The following WDFY3 variants were observed in gnomAD, a reference collection of about 807,000 sequenced individuals.
WDFY3 encodes WD repeat and FYVE domain containing 3.
WDFY3 carries 66 observed loss-of-function variants against 409.6 expected under a neutral mutation model. The observed-to-expected ratio is 0.16, with a 90% CI of 0.13 to 0.20. WDFY3 has a LOEUF of 0.20. WDFY3 is among the 10% of genes least tolerant of loss of function. The pLI, the probability that WDFY3 is intolerant of heterozygous loss-of-function variation, is 1.00. For synonymous variants in WDFY3, 1,521 were observed against 1,537.1 expected (o/e 0.99, Z 0.25); for missense variants, 3,031 against 4,298.1 (o/e 0.71, Z 8.24).
At position 84,787,535 on chromosome 4, in the gene WDFY3, A is replaced by G. The variant is rs1281682746; in HGVS notation, c.3848T>C (p.Ile1283Thr). ...EVLPSSNVTT[I>T]YELGPNYVGS... ...AACATAATTTGGTCCAAGTTCATAAATGGTAGTAACATTTGAAGAAGGTAA... is the reference window on the plus strand; with the variant it reads ...AACATAATTTGGTCCAAGTTCATAAGTGGTAGTAACATTTGAAGAAGGTAA... Residue 1283 changes from isoleucine (I) to threonine (T), a missense_variant, in exon 23 of 68, where the codon ATT becomes ACT. Ile to Thr is a moderately conservative substitution (Grantham distance 89). Coordinates refer to ENST00000295888, the MANE Select transcript of WDFY3 (RefSeq NM_014991.6). The G allele has an allele frequency of 6.2e-7, 1 of 1,614,108 alleles. No homozygotes were observed. Among genetic ancestry groups the G allele is most frequent in the East Asian group, 2.2e-5 (1 of 44,896 alleles).
At chr4:84,713,364 T>G in intron 50 of WDFY3, 125 bp from the exon 51 acceptor site, 1 of 761,842 alleles carries the variant, frequency 1.3e-6, no homozygotes, top group Non-Finnish European at 2.2e-6. Context: ...ACCCACTAAA[T>G]GGCAGGCAAA....
intron 2 of WDFY3, among the ~76,000 whole-genome samples, chr4:84,906,112 C>T (rs563327643): frequency 1.3e-5 from 2 of 152,088 alleles, no homozygotes; most frequent in Non-Finnish European, 2.9e-5. Context: ...ATATTCACCA[C>T]CTAGTAAAAT....
intron 30 of WDFY3, among the ~76,000 whole-genome samples, chr4:84,767,112 AT>A (rs974265092): frequency 1.2e-3 from 178 of 144,818 alleles, no homozygotes; most frequent in Middle Eastern, 3.6e-3. Flanking sequence ...CAATCAGGCC[AT>A]TTTTTTTTTT....
chr4:84,777,946 T>C (rs1745833721), intron 27 of WDFY3, among the ~76,000 whole-genome samples: 1 of 152,044 alleles, frequency 6.6e-6, no homozygotes, highest in African/African-American at 2.4e-5. Flanking sequence ...GTTACAGTAA[T>C]AAGCCAGTAG....
At chr4:84,928,205 T>C (rs1770263440) in intron 2 of WDFY3, among the ~76,000 whole-genome samples, 1 of 152,162 alleles carries the variant, frequency 6.6e-6, no homozygotes, top group South Asian at 2.1e-4. Flanking sequence ...TCAGAGCTCT[T>C]TGTTCTCTAG....
At chr4:84,774,496 A>G (rs1463648505) in intron 29 of WDFY3, among the ~76,000 whole-genome samples, 1 of 152,244 alleles carries the variant, frequency 6.6e-6, no homozygotes, top group African/African-American at 2.4e-5. Flanking sequence ...TACATTTAAA[A>G]ATTAGCAGGG....
Position 84,860,609 on chromosome 4 carries a change from A to G in WDFY3, c.-18T>C. The G allele has an allele frequency of 1.9e-6, 3 of 1,588,200 alleles. No homozygotes were observed. Among genetic ancestry groups the G allele is most frequent in the Non-Finnish European group, 2.6e-6 (3 of 1,162,710 alleles). On this transcript the variant is annotated 5_prime_UTR_variant, in exon 4 of 68. Transcript: ENST00000295888. ...ATGTTCATCTTGGCTGGTTGGTGAG[A>G]CGCACTTCTAATTCTGTAGGAAAAT...
At chr4:84,880,443 G>A (rs191022719) in intron 3 of WDFY3, among the ~76,000 whole-genome samples, 53 of 151,372 alleles carry the variant, frequency 3.5e-4, no homozygotes, top group Middle Eastern at 3.4e-3. Context: ...GTGAACAAAT[G>A]GGTTATAAAT....
At chr4:84,856,568 G>A (rs953754641) in intron 4 of WDFY3, among the ~76,000 whole-genome samples, 2 of 152,128 alleles carry the variant, frequency 1.3e-5, no homozygotes, top group African/African-American at 2.4e-5. Context: ...GATAACAGCA[G>A]CCTCCTTGTA....
At chr4:84,698,909 A>T (rs1290607646) in intron 56 of WDFY3, among the ~76,000 whole-genome samples, 1 of 152,124 alleles carries the variant, frequency 6.6e-6, no homozygotes, top group Admixed American at 6.5e-5. Flanking sequence ...GCTGGTCTCG[A>T]ATTCTTGGCC....
At chr4:84,691,832 A>T (rs1174926152) in intron 59 of WDFY3, 47 bp from the exon 60 acceptor site, 1 of 1,521,914 alleles carries the variant, frequency 6.6e-7, no homozygotes, top group African/African-American at 1.4e-5. Flanking sequence ...GGAAAAACTA[A>T]TGTCATTATC....
chr4:84,887,158 G>C (rs1290910228), intron 3 of WDFY3, among the ~76,000 whole-genome samples: 1 of 152,066 alleles, frequency 6.6e-6, no homozygotes, highest in Admixed American at 6.6e-5. Context: ...GAAACTGAGT[G>C]GTAGCAAAGA....
chr4:84,833,757 TAGAG>T (rs1193860632), intron 7 of WDFY3, among the ~76,000 whole-genome samples: 1 of 150,630 alleles, frequency 6.6e-6, no homozygotes, highest in African/African-American at 2.4e-5. Flanking sequence ...CGAAGCTCAA[TAGAG>T]AGAGGTAGCT....
chr4:84,716,170 G>C (rs1185010589), intron 49 of WDFY3, among the ~76,000 whole-genome samples: 2 of 152,122 alleles, frequency 1.3e-5, no homozygotes, highest in African/African-American at 4.8e-5. Flanking sequence ...AGCCACGGTG[G>C]CTCACGCCTG....
intron 1 of WDFY3, among the ~76,000 whole-genome samples, chr4:84,953,605 A>AT (rs1335332606): frequency 1.3e-5 from 2 of 152,130 alleles, no homozygotes; most frequent in Non-Finnish European, 2.9e-5. Flanking sequence ...ACTTAGTACA[A>AT]TTTTTATGAT....
chr4:84,957,873 G>A (rs1028698399), intron 1 of WDFY3, among the ~76,000 whole-genome samples: 3 of 152,134 alleles, frequency 2.0e-5, no homozygotes, highest in African/African-American at 7.2e-5. Context: ...AGTTATTAAA[G>A]ATTTGGGGGC....
chr4:84,678,383 T>A (rs968206219), intron 65 of WDFY3, 104 bp from the exon 66 acceptor site: 2 of 744,876 alleles, frequency 2.7e-6, no homozygotes, highest in Non-Finnish European at 4.6e-6. Context: ...TACCTCAACA[T>A]ACAGCTACAG....
At chr4:84,909,693 T>TA (rs1372244916) in intron 2 of WDFY3, among the ~76,000 whole-genome samples, 5 of 152,050 alleles carry the variant, frequency 3.3e-5, no homozygotes, top group Non-Finnish European at 7.4e-5. Context: ...CTTCTGGAAC[T>TA]AAAATAAAAG....
chr4:84,881,163 T>C (rs557659298), intron 3 of WDFY3, among the ~76,000 whole-genome samples: 5 of 152,312 alleles, frequency 3.3e-5, no homozygotes, highest in East Asian at 3.9e-4. Flanking sequence ...TACGCATCAA[T>C]TGCTTAATAT....
Sources: gnomAD v4.1 joint callset for allele counts (sites outside exome capture counted in the v4.1 genomes callset) on GRCh38, gnomAD v4.1.1 for gene constraint, MANE v1.5 for transcripts, NCBI Gene and HGNC (gene_info 2026-07-23, HGNC 2026-07-21) for gene names.